The following SNX4 variants were observed in gnomAD, a reference collection of about 807,000 sequenced individuals.
The protein encoded by SNX4 is sorting nexin-4.
In SNX4, 49 loss-of-function variants were observed where a neutral mutation model predicts 70.8. The observed-to-expected ratio is 0.69, with a 90% CI of 0.55 to 0.88. The LOEUF is 0.88. Among genes scored for constraint, SNX4 ranks in the 40% least tolerant of loss-of-function variants. SNX4 has a pLI of 0.00. For missense variants in SNX4, 528 were observed against 544.8 expected, an observed-to-expected ratio of 0.97 and a Z score of 0.31; for synonymous variants, 206 against 183.8, an observed-to-expected ratio of 1.12 and a Z score of -0.98.
chr3:125,469,944 C>T (rs1448312226), intron 8 of SNX4, among the ~76,000 whole-genome samples: 2 of 152,070 alleles, frequency 1.3e-5, no homozygotes, highest in Non-Finnish European at 1.5e-5. Context: ...TGATTACATG[C>T]CACTGTTCTA....
At position 125,500,036 on chromosome 3, in the gene SNX4, G is replaced by A. The variant is rs142839640; in HGVS notation, c.264-1842C>T. ...GATCGCGCCAACGCACTCCAGCCTG[G>A]GCAACAAGAGCGAAACTCCATCTCA... On this transcript the variant is annotated intron_variant, in intron 2 of 13. Transcript: ENST00000251775. 5.3e-3 allele frequency among the ~76,000 whole-genome samples: 801 copies of A among 151,766 alleles called. 7 individuals are homozygous for A. Among genetic ancestry groups the A allele is most frequent in the African/African-American group, 0.018 (754 of 41,390 alleles).
rs1320471115 is a variant in SNX4 at position 125,498,222 on chromosome 3, A to AT, written c.264-29dup. 3.8e-6 allele frequency: 6 copies of AT among 1,590,410 alleles called. No homozygotes were observed. In the African/African-American group the frequency reaches 4.1e-5, roughly 11 times the overall value. The stretch of plus-strand genomic sequence containing the variant: ...GAAAAGGAACAGAACAACACTTGTT[A>AT]TTTTTTATAAACAAAAATACATACA... On this transcript the variant is annotated intron_variant, in intron 2 of 13. Transcript: ENST00000251775.
intron 9 of SNX4, among the ~76,000 whole-genome samples, chr3:125,467,938 C>T (rs1056787588): frequency 4.6e-5 from 7 of 152,154 alleles, no homozygotes; most frequent in African/African-American, 7.2e-5. Context: ...GATACATGCA[C>T]GCCTGTGTTC....
chr3:125,478,167 C>T (rs1158035613), intron 7 of SNX4, among the ~76,000 whole-genome samples: 1 of 151,902 alleles, frequency 6.6e-6, no homozygotes, highest in Admixed American at 6.6e-5. Flanking sequence ...GCAATCTCTG[C>T]CTCTTGGGTT....
At chr3:125,454,660 T>C (rs1933663678) in intron 11 of SNX4, among the ~76,000 whole-genome samples, 1 of 152,330 alleles carries the variant, frequency 6.6e-6, no homozygotes, top group Admixed American at 6.5e-5. Context: ...TCACTGAAGA[T>C]ACTGAGGGAT....
chr3:125,504,618 C>T lies in SNX4; in HGVS notation c.263+5G>A. 1.2e-6 allele frequency: 2 copies of T among 1,607,770 alleles called. No individual in the cohort carries two copies. Among genetic ancestry groups the T allele is most frequent in the Non-Finnish European group, 1.7e-6 (2 of 1,177,300 alleles). ...ACCTGCCCAGGTGTAATTTCTGTTA[C>T]CCACCTTGTTTCAATGAGGTAAGCA... is the stretch of plus-strand genomic sequence containing the variant. On this transcript the variant is annotated splice_donor_5th_base_variant and intron_variant, in intron 2 of 13. Coordinates refer to ENST00000251775, the MANE Select transcript of SNX4 (RefSeq NM_003794.4).
chr3:125,460,885 T>G (rs893236293), intron 9 of SNX4, 25 bp from the exon 10 acceptor site: 2 of 981,620 alleles, frequency 2.0e-6, no homozygotes, highest in South Asian at 1.6e-5. Context: ...AAAACACACA[T>G]TGCATAGAGT....
chr3:125,484,691 A>G (rs1422692252), intron 6 of SNX4, among the ~76,000 whole-genome samples: 1 of 152,074 alleles, frequency 6.6e-6, no homozygotes, highest in African/African-American at 2.4e-5. Context: ...CTTCTCTCCA[A>G]TCTTAAAGGC....
chr3:125,485,202 C>T (rs1934494813), intron 6 of SNX4, among the ~76,000 whole-genome samples: 1 of 152,138 alleles, frequency 6.6e-6, no homozygotes, highest in African/African-American at 2.4e-5. Context: ...GCTGAGATCA[C>T]ACCACTGCAC....
intron 5 of SNX4, among the ~76,000 whole-genome samples, chr3:125,495,748 A>G (rs1411206189): frequency 6.6e-6 from 1 of 152,240 alleles, no homozygotes; most frequent in Non-Finnish European, 1.5e-5. Context: ...TAACTGCAGT[A>G]AAGACTTAAT....
chr3:125,484,067 A>G (rs1017296017), intron 6 of SNX4, among the ~76,000 whole-genome samples: 18 of 152,310 alleles, frequency 1.2e-4, no homozygotes, highest in African/African-American at 4.3e-4. Context: ...TCCCTCCTGA[A>G]ATACTATCTA....
intron 2 of SNX4, among the ~76,000 whole-genome samples, chr3:125,503,323 TTATA>T (rs1257764683): frequency 1.3e-5 from 2 of 152,334 alleles, no homozygotes; most frequent in East Asian, 3.9e-4. Flanking sequence ...ACACTATTCT[TTATA>T]TAAATTGTTA....
intron 1 of SNX4, chr3:125,516,916 T>TA (rs1282283355): frequency 2.0e-5 from 3 of 152,168 alleles, no homozygotes; most frequent in South Asian, 4.1e-4. Context: ...ATCTTTGTAG[T>TA]AAAAAAATGG....
At chr3:125,519,979 G>T in intron 1 of SNX4, 53 bp downstream of exon 1, 1 of 1,343,694 alleles carries the variant, frequency 7.4e-7, no homozygotes, top group Non-Finnish European at 9.9e-7. Flanking sequence ...GCCCAGCCCG[G>T]CCCGCTAGGC....
chr3:125,475,716 T>C (rs1335828883), intron 8 of SNX4, among the ~76,000 whole-genome samples: 1 of 152,176 alleles, frequency 6.6e-6, no homozygotes, highest in Non-Finnish European at 1.5e-5. Flanking sequence ...GTGACTCATG[T>C]CTGTAATCCT....
At chr3:125,497,190 T>C in intron 5 of SNX4, 151 bp downstream of exon 5, 1 of 530,628 alleles carries the variant, frequency 1.9e-6, no homozygotes, top group Admixed American at 3.8e-5. Context: ...AAGTGAATTG[T>C]AGTGTTTCTT....
intron 12 of SNX4, among the ~76,000 whole-genome samples, chr3:125,451,905 C>G (rs895406052): frequency 6.6e-6 from 1 of 152,056 alleles, no homozygotes; most frequent in South Asian, 2.1e-4. Flanking sequence ...GGGATTACAG[C>G]GTGAGCCGCT....
intron 5 of SNX4, among the ~76,000 whole-genome samples, chr3:125,497,018 T>C (rs1014675431): frequency 5.3e-5 from 8 of 150,764 alleles, no homozygotes; most frequent in Non-Finnish European, 1.0e-4. Context: ...ATAATACTAG[T>C]ACACTGGGGA....
At chr3:125,495,280 A>G (rs1934767196) in intron 5 of SNX4, among the ~76,000 whole-genome samples, 1 of 112,726 alleles carries the variant, frequency 8.9e-6, no homozygotes. Context: ...ATATATATAC[A>G]CATACACACA....
Sources: gnomAD v4.1 joint callset for allele counts (sites outside exome capture counted in the v4.1 genomes callset) on GRCh38, gnomAD v4.1.1 for gene constraint, MANE v1.5 for transcripts, NCBI Gene and HGNC (gene_info 2026-07-23, HGNC 2026-07-21) for gene names.